LSAMP: variants seen among roughly 807,000 people sequenced by gnomAD.
The protein encoded by LSAMP is limbic system associated membrane protein, also known as limbic system-associated membrane protein.
Under a neutral mutation model 38.6 loss-of-function variants are expected in LSAMP, and 7 were observed. The observed-to-expected ratio is 0.18, with a 90% CI of 0.10 to 0.34. The LOEUF is 0.34. LSAMP is among the 10% of genes least tolerant of loss of function. The pLI is 1.00. For synonymous variants in LSAMP, 154 were observed against 166.8 expected (o/e 0.92, Z 0.59); for missense variants, 313 against 420.0 (o/e 0.75, Z 2.23).
chr3:115,977,519 C>A (rs1292807935), intron 3 of LSAMP, among the ~76,000 whole-genome samples: 2 of 152,180 alleles, frequency 1.3e-5, no homozygotes, highest in Non-Finnish European at 2.9e-5. Flanking sequence ...TTACTTTACA[C>A]CTTCCCAATT....
intron 1 of LSAMP, among the ~76,000 whole-genome samples, chr3:116,301,735 T>TAAAG (rs1321345843): frequency 6.6e-6 from 1 of 152,172 alleles, no homozygotes; most frequent in Non-Finnish European, 1.5e-5. Flanking sequence ...AGAAGGTGAA[T>TAAAG]AAAGAAACTT....
chr3:116,057,306 C>A (rs1326658027), intron 2 of LSAMP, among the ~76,000 whole-genome samples: 2 of 152,162 alleles, frequency 1.3e-5, no homozygotes, highest in Admixed American at 1.3e-4. Context: ...CCTATTTTGG[C>A]ATTTTTAGCC....
chr3:116,320,706 G>T (rs1404620866), intron 1 of LSAMP, among the ~76,000 whole-genome samples: 2 of 152,068 alleles, frequency 1.3e-5, no homozygotes, highest in Non-Finnish European at 2.9e-5. Context: ...ACATATTTAA[G>T]GATGACTTAA....
chr3:116,152,749 C>T (rs974834768), intron 1 of LSAMP, among the ~76,000 whole-genome samples: 3 of 151,962 alleles, frequency 2.0e-5, no homozygotes, highest in Non-Finnish European at 4.4e-5. Flanking sequence ...ATCCAAAGCT[C>T]ATCAGATTCA....
At chr3:115,872,226 C>A (rs1294156598) in intron 3 of LSAMP, among the ~76,000 whole-genome samples, 1 of 152,006 alleles carries the variant, frequency 6.6e-6, no homozygotes, top group African/African-American at 2.4e-5. Flanking sequence ...TGTGTGTATG[C>A]TAATGGGAAA....
chr3:116,444,843 C>T lies in LSAMP; in HGVS notation c.155+34G>A, dbSNP rs552198186. 18 of 1,613,082 alleles carry T rather than the reference C, an allele frequency of 1.1e-5. No homozygotes were observed. The South Asian group carries it at 1.8e-4, about 16-fold the overall frequency. ...ACACACACACACACACACGTGTAGA[C>T]GCGCGCAGCAGAAAAGTTGCCCGAA... On this transcript the variant is annotated intron_variant, in intron 1 of 6. Coordinates refer to ENST00000490035, the MANE Select transcript of LSAMP (RefSeq NM_002338.5).
intron 3 of LSAMP, among the ~76,000 whole-genome samples, chr3:115,919,170 A>G (rs889634870): frequency 1.3e-5 from 2 of 152,118 alleles, no homozygotes; most frequent in Admixed American, 6.5e-5. Flanking sequence ...TGGGTTGTCA[A>G]TAGGACATTC....
In LSAMP at chr3:115,848,515, A is replaced by G. The variant is rs151080439; in HGVS notation, c.649+3968T>C. Among the ~76,000 whole-genome samples the G allele has an allele frequency of 5.7e-3, 864 of 152,328 alleles. 3 individuals carry two copies. The highest frequency in any genetic ancestry group is 6.2e-3 in the Non-Finnish European group (419 of 68,028). The stretch of plus-strand genomic sequence containing the variant: ...ACTGAAGATACCAGTTAAAATACAC[A>G]TACATTATCTGGAGGCAACAGGTGT... On this transcript the variant is annotated intron_variant, in intron 4 of 6. Coordinates refer to ENST00000490035, the MANE Select transcript of LSAMP (RefSeq NM_002338.5).
At chr3:115,959,289 G>C (rs968353609) in intron 3 of LSAMP, among the ~76,000 whole-genome samples, 1 of 152,058 alleles carries the variant, frequency 6.6e-6, no homozygotes, top group Non-Finnish European at 1.5e-5. Context: ...TGCATTCAAG[G>C]CATAGAGTCT....
At chr3:115,998,752 T>C (rs138959884) in intron 3 of LSAMP, among the ~76,000 whole-genome samples, 31 of 152,238 alleles carry the variant, frequency 2.0e-4, no homozygotes, top group African/African-American at 7.2e-4. Flanking sequence ...GAGTGATCTA[T>C]ATAAGGTCAC....
chr3:116,400,353 C>CTCTT (rs978669890), intron 1 of LSAMP, among the ~76,000 whole-genome samples: 1 of 151,866 alleles, frequency 6.6e-6, no homozygotes, highest in African/African-American at 2.4e-5. Flanking sequence ...TCTTTCTTTC[C>CTCTT]TCTTTCTTTC....
intron 1 of LSAMP, among the ~76,000 whole-genome samples, chr3:116,300,588 T>A (rs777217602): frequency 5.3e-5 from 8 of 152,140 alleles, no homozygotes; most frequent in African/African-American, 1.9e-4. Flanking sequence ...CATAGGAGCG[T>A]GAACCCTTTT....
intron 6 of LSAMP, among the ~76,000 whole-genome samples, chr3:115,836,531 A>C (rs748126387): frequency 4.6e-5 from 7 of 152,206 alleles, no homozygotes; most frequent in Non-Finnish European, 7.3e-5. Flanking sequence ...CACACTTAGC[A>C]GCTGATTGGG....
intron 1 of LSAMP, among the ~76,000 whole-genome samples, chr3:116,359,339 C>G (rs573190417): frequency 1.6e-4 from 24 of 152,112 alleles, no homozygotes; most frequent in African/African-American, 4.6e-4. Flanking sequence ...GATGCTGAAA[C>G]TTTTCAAATG....
At chr3:116,089,351 C>T (rs1559738382) in intron 1 of LSAMP, among the ~76,000 whole-genome samples, 1 of 151,920 alleles carries the variant, frequency 6.6e-6, no homozygotes, top group African/African-American at 2.4e-5. Context: ...TACACATATA[C>T]TTTTTTTTGT....
At chr3:116,109,772 G>A (rs1030915521) in intron 1 of LSAMP, among the ~76,000 whole-genome samples, 5 of 151,868 alleles carry the variant, frequency 3.3e-5, no homozygotes, top group African/African-American at 4.8e-5. Flanking sequence ...GAGGGTGGAA[G>A]GTTGCCCATA....
chr3:116,191,543 G>A (rs757094104), intron 1 of LSAMP, among the ~76,000 whole-genome samples: 3 of 151,988 alleles, frequency 2.0e-5, no homozygotes, highest in African/African-American at 4.8e-5. Context: ...GACAGTTTAG[G>A]GCTGAGGATT....
At chr3:116,124,334 T>C (rs538802839) in intron 1 of LSAMP, among the ~76,000 whole-genome samples, 5 of 152,354 alleles carry the variant, frequency 3.3e-5, no homozygotes, top group Admixed American at 1.3e-4. Context: ...ATGAAAATTG[T>C]CTGTGGGCTG....
Position 115,804,494 on chromosome 3 carries a change from G to A in LSAMP, c.*5823C>T, listed in dbSNP as rs1029474643. ...CTTCTACCTCACTTTAAAGTTGTCA[G>A]TTTATCTTAGATGATGAGGAAGCAG... On this transcript the variant is annotated 3_prime_UTR_variant, in exon 7 of 7. Transcript: ENST00000490035. The A allele has an allele frequency of 2.6e-5, 4 of 152,100 alleles. No individual in the cohort carries two copies. The highest frequency in any genetic ancestry group is 9.7e-5 in the African/African-American group (4 of 41,426). 9.4% of individuals were successfully genotyped at this position (152,100 alleles called of 1,614,324 possible).
Sources: allele counts gnomAD v4.1 joint callset (sites outside exome capture counted in the v4.1 genomes callset), GRCh38; gene constraint gnomAD v4.1.1; transcripts MANE v1.5; gene names NCBI Gene and HGNC (gene_info 2026-07-23, HGNC 2026-07-21).